Variants in NPL observed in about 807,000 individuals in gnomAD.
The protein encoded by NPL is N-acetylneuraminate pyruvate lyase.
NPL carries 32 observed loss-of-function variants against 41.1 expected under a neutral mutation model. The ratio of observed to expected loss-of-function variants is 0.78; its 90% confidence interval spans 0.59 to 1.05. The LOEUF is 1.05. Among genes scored for constraint, NPL ranks in the 50% least tolerant of loss-of-function variants. The pLI, the probability that NPL is intolerant of heterozygous loss-of-function variation, is 0.00. For missense variants in NPL, 321 were observed against 378.4 expected, an observed-to-expected ratio of 0.85 and a Z score of 1.26; for synonymous variants, 128 against 134.9, an observed-to-expected ratio of 0.95 and a Z score of 0.35.
chr1:182,794,405 GT>G lies in NPL; in HGVS notation c.35del (p.Val12GlyfsTer8). 6.2e-7 allele frequency: 1 copy of G among 1,614,204 alleles called. No homozygotes were observed. Among genetic ancestry groups the G allele is most frequent in the South Asian group, 1.1e-5 (1 of 91,086 alleles). On this transcript the variant is annotated frameshift_variant, in exon 3 of 13. Transcript: ENST00000367553. LOFTEE classifies it high-confidence loss of function. ...CCCAAAGAAGAAACTTCAGGGTCTT[GT>G]GGCTGCAACCATCACGCCAATGACT... ...AFPKKKLQGLVAATITPMTEN... is the reference protein window; with the variant it reads ...AFPKKKLQGLXAATITPMTEN...
intron 3 of NPL, among the ~76,000 whole-genome samples, chr1:182,801,842 A>C (rs1666856781): frequency 6.6e-6 from 1 of 152,048 alleles, no homozygotes; most frequent in South Asian, 2.1e-4. Context: ...GTCTCCAAAA[A>C]AACAAAAAAA....
Position 182,829,019 on chromosome 1 carries a change from A to C in NPL, c.*111A>C. On this transcript the variant is annotated 3_prime_UTR_variant, in exon 13 of 13. Coordinates refer to ENST00000367553, the MANE Select transcript of NPL (RefSeq NM_030769.3). ...CTTGAATAAACTCTCCTAGCAAATG[A>C]AATCTCACAATAAGCATTGAGGTAC... is the stretch of plus-strand genomic sequence containing the variant. 6.3e-7 allele frequency: 1 copy of C among 1,575,186 alleles called. No individual in the cohort carries two copies. The highest frequency in any genetic ancestry group is 1.4e-5 in the African/African-American group (1 of 73,624).
chr1:182,799,747 A>T (rs1258383511), intron 3 of NPL, among the ~76,000 whole-genome samples: 1 of 151,538 alleles, frequency 6.6e-6, no homozygotes, highest in Non-Finnish European at 1.5e-5. Flanking sequence ...AAAAAAAAAA[A>T]AAAAAAGCCC....
intron 7 of NPL, 48 bp from the exon 8 acceptor site, chr1:182,816,666 A>G (rs1667339881): frequency 1.5e-6 from 2 of 1,316,594 alleles, no homozygotes; most frequent in South Asian, 1.2e-5. Flanking sequence ...CAGGAAAGCC[A>G]CTGTTTTACA....
chr1:182,792,991 T>C (rs1666558196), intron 2 of NPL, among the ~76,000 whole-genome samples: 1 of 152,240 alleles, frequency 6.6e-6, no homozygotes, highest in African/African-American at 2.4e-5. Flanking sequence ...GCATTGCATT[T>C]TTGAATGTGC....
At chr1:182,826,247 T>G (rs922616805) in intron 12 of NPL, 7 of 211,218 alleles carry the variant, frequency 3.3e-5, no homozygotes, top group Admixed American at 2.6e-4. Context: ...TTAACACAAG[T>G]AAGCCTAAAT....
chr1:182,816,584 A>G (rs1667337760), intron 7 of NPL, 130 bp from the exon 8 acceptor site: 1 of 706,990 alleles, frequency 1.4e-6, no homozygotes, highest in Non-Finnish European at 2.5e-6. Context: ...TAGCAGGGAT[A>G]GTAAAAGTGG....
At position 182,818,581 on chromosome 1, in the gene NPL, C is replaced by T; in HGVS notation, c.498C>T (p.Ile166=). 6.2e-7 allele frequency: 1 copy of T among 1,614,144 alleles called. No homozygotes were observed. The highest frequency in any genetic ancestry group is 1.1e-5 in the South Asian group (1 of 91,080). The change falls in exon 9 of 13, where the codon ATC becomes ATT. Residue 166 remains isoleucine (I), a synonymous_variant. Transcript: ENST00000367553. ...TGTTGGATGGGATTCTGGATAAGAT[C>T]CCCACCTTCCAAGGGCTGAAATTCA... ...EELLDGILDK[I]PTFQGLKFSD...
At position 182,806,086 on chromosome 1, in the gene NPL, C is replaced by T. The variant is rs1666999044; in HGVS notation, c.143-59C>T. 2.0e-5 allele frequency: 32 copies of T among 1,605,664 alleles called. 1 individual carries two copies. Among genetic ancestry groups the T allele is most frequent in the South Asian group, 1.2e-4 (11 of 90,258 alleles). On this transcript the variant is annotated intron_variant, in intron 4 of 12. Transcript: ENST00000367553. ...GTTTCTGACCCTGCACTTTCAGACT[C>T]GGGGTTGGAGAAGCAGAGGTGCTCC... is the stretch of plus-strand genomic sequence containing the variant.
At chr1:182,798,233 C>CTTTTT (rs58974453) in intron 3 of NPL, among the ~76,000 whole-genome samples, 1 of 130,018 alleles carries the variant, frequency 7.7e-6, no homozygotes, top group Non-Finnish European at 1.6e-5. Context: ...GAAAGACTTG[C>CTTTTT]TTTTTTTTTT....
At chr1:182,800,725 CTTTTTTTTTTTTT>C (rs56908108) in intron 3 of NPL, among the ~76,000 whole-genome samples, 1 of 101,744 alleles carries the variant, frequency 9.8e-6, no homozygotes, top group African/African-American at 4.3e-5. Flanking sequence ...GTAGCCCTGG[CTTTTTTTTTTTTT>C]TTTTTTTTTG....
At chr1:182,805,111 G>A (rs1254518796) in intron 4 of NPL, among the ~76,000 whole-genome samples, 4 of 152,132 alleles carry the variant, frequency 2.6e-5, no homozygotes, top group Non-Finnish European at 4.4e-5. Context: ...ACTGCCATAG[G>A]CATCTTTCTG....
chr1:182,793,262 A>G (rs571447051), intron 2 of NPL, among the ~76,000 whole-genome samples: 1 of 152,302 alleles, frequency 6.6e-6, no homozygotes, highest in East Asian at 1.9e-4. Context: ...TGGTCTGCCT[A>G]TGGAACTGAG....
At chr1:182,803,260 C>A (rs1666905215) in intron 3 of NPL, among the ~76,000 whole-genome samples, 1 of 152,140 alleles carries the variant, frequency 6.6e-6, no homozygotes, top group Non-Finnish European at 1.5e-5. Context: ...CATGATGGCT[C>A]ATACTTGTAA....
intron 5 of NPL, 51 bp downstream of exon 5, chr1:182,806,283 G>T: frequency 6.2e-7 from 1 of 1,611,746 alleles, no homozygotes; most frequent in Non-Finnish European, 8.5e-7. Context: ...GCTGTATTCA[G>T]TGAGCCTCTT....
chr1:182,800,163 T>C (rs1278519443), intron 3 of NPL, among the ~76,000 whole-genome samples: 4 of 152,028 alleles, frequency 2.6e-5, no homozygotes, highest in Admixed American at 2.6e-4. Flanking sequence ...AGGCTGGGCA[T>C]GATGGCTCAC....
intron 3 of NPL, among the ~76,000 whole-genome samples, chr1:182,797,910 G>A (rs960898305): frequency 6.6e-6 from 1 of 152,172 alleles, no homozygotes; most frequent in Non-Finnish European, 1.5e-5. Flanking sequence ...TAAGCATGTG[G>A]CATAGTTGTG....
intron 1 of NPL, chr1:182,791,142 G>C (rs1373161897): frequency 6.6e-6 from 1 of 152,086 alleles, no homozygotes; most frequent in East Asian, 1.9e-4. Flanking sequence ...GCCACTGTTT[G>C]GGGGAATTCT....
rs925062747 is a variant in NPL at position 182,829,443 on chromosome 1, T to C, written c.*535T>C. 4 of 1,431,750 alleles carry C rather than the reference T, an allele frequency of 2.8e-6. No homozygotes were observed. The Admixed American group carries it at 8.4e-5, about 30-fold the overall frequency. The allele number at this position is 1,431,750 out of a possible 1,614,324, so 88.7% of individuals were successfully genotyped here. On this transcript the variant is annotated 3_prime_UTR_variant, in exon 13 of 13. Transcript: ENST00000367553. The stretch of plus-strand genomic sequence containing the variant: ...CAGTCTAACTCTAGAATGGATGCTT[T>C]TGAATTCATTTCGATGTCACCACTT...
Sources: gnomAD v4.1 joint callset for allele counts (sites outside exome capture counted in the v4.1 genomes callset) on GRCh38, gnomAD v4.1.1 for gene constraint, MANE v1.5 for transcripts, NCBI Gene and HGNC (gene_info 2026-07-23, HGNC 2026-07-21) for gene names.